The following FILIP1L variants were observed in gnomAD, a reference collection of about 807,000 sequenced individuals.
The protein encoded by FILIP1L is filamin A interacting protein 1 like, also known as filamin A-interacting protein 1-like.
FILIP1L carries 55 observed loss-of-function variants against 96.6 expected under a neutral mutation model. That is an observed-to-expected ratio of 0.57 (90% CI 0.46 to 0.71). The LOEUF is 0.71. Among genes scored for constraint, FILIP1L ranks in the 30% least tolerant of loss-of-function variants. The probability of loss-of-function intolerance (pLI) is 0.00; values close to 1 mark genes in which losing one functional copy is unlikely to be tolerated. For synonymous variants in FILIP1L, 467 were observed against 473.9 expected (o/e 0.99, Z 0.19); for missense variants, 1,304 against 1,321.2 (o/e 0.99, Z 0.20).
At chr3:99,988,832 T>G (rs1020056445) in intron 1 of FILIP1L, among the ~76,000 whole-genome samples, 1 of 152,214 alleles carries the variant, frequency 6.6e-6, no homozygotes, top group African/African-American at 2.4e-5. Flanking sequence ...ATTGGTAATT[T>G]TTATTCCAAA....
chr3:99,856,232 A>G (rs1943958780), intron 4 of FILIP1L, among the ~76,000 whole-genome samples: 1 of 152,254 alleles, frequency 6.6e-6, no homozygotes, highest in South Asian at 2.1e-4. Context: ...GATGCACTTG[A>G]TAAGAGTTTG....
chr3:99,988,262 C>G (rs986481849), intron 1 of FILIP1L, among the ~76,000 whole-genome samples: 1 of 150,308 alleles, frequency 6.7e-6, no homozygotes, highest in Non-Finnish European at 1.5e-5. Flanking sequence ...CTTTGGGAGG[C>G]CTAGGCAGGC....
At chr3:99,876,117 C>T in intron 4 of FILIP1L, 1 of 986,274 alleles carries the variant, frequency 1.0e-6, no homozygotes, top group South Asian at 4.6e-5. Context: ...GCCGGGGCCG[C>T]TGTAGTGCCG....
chr3:100,009,753 A>T (rs1001912559), intron 1 of FILIP1L, among the ~76,000 whole-genome samples: 1 of 152,228 alleles, frequency 6.6e-6, no homozygotes, highest in Non-Finnish European at 1.5e-5. Context: ...GAAAGTCTGC[A>T]GCTTTGATTG....
intron 1 of FILIP1L, among the ~76,000 whole-genome samples, chr3:99,985,136 T>C (rs777273920): frequency 1.1e-4 from 17 of 152,148 alleles, no homozygotes; most frequent in Non-Finnish European, 2.5e-4. Flanking sequence ...CAAAAGTTAA[T>C]TGGAGTAAAG....
At chr3:100,017,885 C>T (rs1467367363) in intron 1 of FILIP1L, among the ~76,000 whole-genome samples, 2 of 152,180 alleles carry the variant, frequency 1.3e-5, no homozygotes, top group Non-Finnish European at 2.9e-5. Flanking sequence ...ATAACTACAT[C>T]GCCAGTTTTC....
chr3:100,011,389 A>G (rs1174259636), intron 1 of FILIP1L, among the ~76,000 whole-genome samples: 2 of 152,162 alleles, frequency 1.3e-5, no homozygotes, highest in Admixed American at 6.5e-5. Flanking sequence ...CTTGCATTGT[A>G]TGTTTTCTTT....
chr3:100,014,029 A>G (rs1046827052), intron 1 of FILIP1L, among the ~76,000 whole-genome samples: 1 of 151,848 alleles, frequency 6.6e-6, no homozygotes, highest in African/African-American at 2.4e-5. Context: ...GCTGCTATGA[A>G]TTTGATTTTT....
At chr3:99,903,258 G>GT (rs11425482) in intron 4 of FILIP1L, among the ~76,000 whole-genome samples, 39,868 of 148,206 alleles carry the variant, frequency 0.27, 5,933 homozygotes, top group Admixed American at 0.34. Flanking sequence ...ACATATGCAT[G>GT]TTTTTTTTTT....
chr3:100,054,490 T>TTGTTA (rs10668094), intron 1 of FILIP1L, among the ~76,000 whole-genome samples: 21,377 of 146,058 alleles, frequency 0.15, 1,618 homozygotes, highest in Middle Eastern at 0.19. Flanking sequence ...ATGTTATGTT[T>TTGTTA]TGTTATGTTA....
intron 4 of FILIP1L, among the ~76,000 whole-genome samples, chr3:99,881,161 A>G (rs1357328715): frequency 6.6e-6 from 1 of 152,196 alleles, no homozygotes; most frequent in Non-Finnish European, 1.5e-5. Flanking sequence ...TAAGTTGGCT[A>G]TGGACTCTAG....
chr3:100,028,978 A>T (rs1288446987), intron 1 of FILIP1L, among the ~76,000 whole-genome samples: 1 of 152,136 alleles, frequency 6.6e-6, no homozygotes, highest in Non-Finnish European at 1.5e-5. Flanking sequence ...TCAGTCCGTT[A>T]CTTGAGCAGT....
intron 1 of FILIP1L, among the ~76,000 whole-genome samples, chr3:100,007,783 T>C (rs1277471925): frequency 6.6e-6 from 1 of 152,058 alleles, no homozygotes; most frequent in African/African-American, 2.4e-5. Flanking sequence ...ATAGAAAAAA[T>C]ATATTAGTTA....
chr3:100,032,895 TC>T (rs1277789405), intron 1 of FILIP1L, among the ~76,000 whole-genome samples: 1 of 152,124 alleles, frequency 6.6e-6, no homozygotes, highest in African/African-American at 2.4e-5. Flanking sequence ...TTACATTTAT[TC>T]CCTGCAACAA....
chr3:99,852,378 T>C (rs2107531985), intron 4 of FILIP1L, among the ~76,000 whole-genome samples: 1 of 152,366 alleles, frequency 6.6e-6, no homozygotes, highest in South Asian at 2.1e-4. Flanking sequence ...AATGCATGTC[T>C]ATCATCCTTA....
chr3:100,029,759 C>T (rs1339667213), intron 1 of FILIP1L, among the ~76,000 whole-genome samples: 1 of 152,186 alleles, frequency 6.6e-6, no homozygotes, highest in African/African-American at 2.4e-5. Flanking sequence ...GCTAGACAAA[C>T]TGCTACTAAG....
At chr3:99,853,496 G>T (rs1290041586) in intron 4 of FILIP1L, among the ~76,000 whole-genome samples, 1 of 152,212 alleles carries the variant, frequency 6.6e-6, no homozygotes, top group Non-Finnish European at 1.5e-5. Flanking sequence ...AAAGGGAATG[G>T]TGATTAGTGA....
intron 5 of FILIP1L, among the ~76,000 whole-genome samples, chr3:99,845,566 A>G (rs757402340): frequency 2.6e-5 from 4 of 152,148 alleles, no homozygotes; most frequent in South Asian, 4.1e-4. Flanking sequence ...GGGGAGTTCT[A>G]TGATTATCTG....
rs75907279 is a variant in FILIP1L, at chr3:99,915,063, G to A, written c.605+9167C>T. Among the ~76,000 whole-genome samples, 667 of 151,938 alleles carry A rather than the reference G, an allele frequency of 4.4e-3. 7 individuals carry two copies. The highest frequency in any genetic ancestry group is 0.016 in the African/African-American group (653 of 41,468). The stretch of plus-strand genomic sequence containing the variant: ...TTTTAGGATCATTTTTTTTCTTCTA[G>A]CTCCATGATAAGGGCACCATATGCT... On this transcript the variant is annotated intron_variant, in intron 4 of 5. Transcript: ENST00000477258.
Sources: allele counts gnomAD v4.1 joint callset (sites outside exome capture counted in the v4.1 genomes callset), GRCh38; gene constraint gnomAD v4.1.1; transcripts MANE v1.5; gene names NCBI Gene and HGNC (gene_info 2026-07-23, HGNC 2026-07-21).